The following VPS35 variants were observed in gnomAD, a reference collection of about 807,000 sequenced individuals.
The protein encoded by VPS35 is vacuolar protein sorting-associated protein 35.
In VPS35, 21 loss-of-function variants were observed where a neutral mutation model predicts 98.1. The ratio of observed to expected loss-of-function variants is 0.21; its 90% CI spans 0.15 to 0.31. The LOEUF (loss-of-function observed/expected upper bound fraction) is 0.31, where lower values mean the gene tolerates loss of function less well. VPS35 is among the 10% of genes least tolerant of loss of function. The pLI is 1.00. For missense variants in VPS35, 554 were observed against 950.8 expected (o/e 0.58, Z 5.49); for synonymous variants, 268 against 318.2 (o/e 0.84, Z 1.68).
At chr16:46,677,639 C>A in intron 6 of VPS35, 1 of 471,684 alleles carries the variant, frequency 2.1e-6, no homozygotes, top group Non-Finnish European at 3.9e-6. Context: ...AGGCTCAAGT[C>A]ATCCTCCCAC....
chr16:46,681,822 A>T (rs1966239459), intron 3 of VPS35: 1 of 544,776 alleles, frequency 1.8e-6, no homozygotes, highest in Non-Finnish European at 3.3e-6. Context: ...CAACTGTGTC[A>T]TAGCCTAAAT....
Position 46,659,879 on chromosome 16 carries a change from G to T in VPS35, c.*593C>A, listed in dbSNP as rs1157467112. The T allele has an allele frequency of 6.6e-6, 1 of 152,416 alleles. No homozygotes were observed. Among genetic ancestry groups the T allele is most frequent in the African/African-American group, 2.4e-5 (1 of 41,428 alleles). The allele number at this position is 152,416 out of a possible 1,614,324, so 9.4% of individuals were successfully genotyped here. ...TTAATGGATGGCTGAGTCCAAATAT[G>T]CAAAATATAGCTTCTGGTTTTGACC... On this transcript the variant is annotated 3_prime_UTR_variant, in exon 17 of 17. Coordinates refer to ENST00000299138, the MANE Select transcript of VPS35 (RefSeq NM_018206.6).
chr16:46,659,646 A>G lies in VPS35; in HGVS notation c.*826T>C, dbSNP rs191441368. On this transcript the variant is annotated 3_prime_UTR_variant, in exon 17 of 17. Coordinates refer to ENST00000299138, the MANE Select transcript of VPS35 (RefSeq NM_018206.6). ...TACTAGTACTTTTTATCAATTAAAGATAGTATGAAAGGGGAAAAAAAGCTC... is the reference window on the plus strand; with the variant it reads ...TACTAGTACTTTTTATCAATTAAAGGTAGTATGAAAGGGGAAAAAAAGCTC... 3.9e-5 allele frequency: 6 copies of G among 152,290 alleles called. No homozygotes were observed. Among genetic ancestry groups the G allele is most frequent in the Admixed American group, 1.3e-4 (2 of 15,302 alleles). The allele number at this position is 152,290 out of a possible 1,614,324, so 9.4% of individuals were successfully genotyped here.
At chr16:46,688,729 C>T in intron 1 of VPS35, 9 of 1,186,302 alleles carry the variant, frequency 7.6e-6, no homozygotes, top group Non-Finnish European at 9.5e-6. Context: ...TGGGCGGGTC[C>T]CGGCGCCACC....
intron 12 of VPS35, among the ~76,000 whole-genome samples, chr16:46,669,666 C>CAAAAAAA (rs949838651): frequency 1.6e-5 from 1 of 60,702 alleles, no homozygotes. Flanking sequence ...GATTCCATCT[C>CAAAAAAA]AAAAAAAAAA....
intron 1 of VPS35, among the ~76,000 whole-genome samples, chr16:46,685,582 T>C (rs1321048191): frequency 6.6e-6 from 1 of 152,154 alleles, no homozygotes; most frequent in African/African-American, 2.4e-5. Context: ...AAAGGGAACA[T>C]GAATTTAACC....
intron 1 of VPS35, chr16:46,688,412 A>G: frequency 1.0e-6 from 1 of 987,110 alleles, no homozygotes; most frequent in Non-Finnish European, 1.2e-6. Context: ...GACGGGCCCT[A>G]AGGAGAAGTA....
chr16:46,660,675 C>G, intron 16 of VPS35, 24 bp from the exon 17 acceptor site: 2 of 1,606,668 alleles, frequency 1.2e-6, no homozygotes, highest in Non-Finnish European at 1.7e-6. Flanking sequence ...TGTACAAATT[C>G]ATGATCAAGC....
At chr16:46,676,405 T>C (rs1343571496) in intron 8 of VPS35, 178 bp downstream of exon 8, 2 of 592,786 alleles carry the variant, frequency 3.4e-6, no homozygotes, top group Non-Finnish European at 6.0e-6. Context: ...GCCTCTTTCA[T>C]GTCTAACCTA....
At chr16:46,674,723 G>C in intron 8 of VPS35, 63 bp from the exon 9 acceptor site, 1 of 1,310,840 alleles carries the variant, frequency 7.6e-7, no homozygotes, top group Non-Finnish European at 1.1e-6. Context: ...TGAGATCATG[G>C]ATGACATCTT....
intron 10 of VPS35, 147 bp from the exon 11 acceptor site, chr16:46,672,619 A>C: frequency 3.0e-6 from 2 of 672,270 alleles, no homozygotes; most frequent in Non-Finnish European, 5.2e-6. Context: ...AGACTATAAC[A>C]ACCTCCTTTC....
intron 7 of VPS35, 38 bp downstream of exon 7, chr16:46,677,277 A>T (rs779525707): frequency 6.4e-7 from 1 of 1,558,062 alleles, no homozygotes; most frequent in East Asian, 2.2e-5. Context: ...GAAAGATAAA[A>T]TAGGTCGTTT....
At chr16:46,686,397 G>A (rs1431079844) in intron 1 of VPS35, among the ~76,000 whole-genome samples, 1 of 152,112 alleles carries the variant, frequency 6.6e-6, no homozygotes, top group African/African-American at 2.4e-5. Context: ...AAAAACATTT[G>A]TATAGAATGA....
chr16:46,660,656 A>C lies in VPS35; in HGVS notation c.2212-5T>G. ...GTTTAAAACCTGAATTGTTACCTAC[A>C]AAAGAATATGTACAAATTCATGATC... On this transcript the variant is annotated splice_region_variant and splice_polypyrimidine_tract_variant and intron_variant, in intron 16 of 16. Transcript: ENST00000299138. 6.2e-7 allele frequency: 1 copy of C among 1,613,050 alleles called. No individual in the cohort carries two copies. The highest frequency in any genetic ancestry group is 8.5e-7 in the Non-Finnish European group (1 of 1,179,682).
At chr16:46,681,568 G>C in intron 3 of VPS35, 68 bp from the exon 4 acceptor site, 2 of 1,562,796 alleles carry the variant, frequency 1.3e-6, no homozygotes, top group Non-Finnish European at 1.8e-6. Context: ...AAACTTGTTG[G>C]AGTCATTACT....
Position 46,660,263 on chromosome 16 carries a change from T to C in VPS35, c.*209A>G. On this transcript the variant is annotated 3_prime_UTR_variant, in exon 17 of 17. Coordinates refer to ENST00000299138, the MANE Select transcript of VPS35 (RefSeq NM_018206.6). ...AGATCAGTCATGCTACTTGGGGTGA[T>C]CAGAAAGACTTGAACACTTACCAAG... 2.4e-6 allele frequency: 1 copy of C among 412,538 alleles called. No individual in the cohort carries two copies. The highest frequency in any genetic ancestry group is 4.4e-6 in the Non-Finnish European group (1 of 226,376). The allele number at this position is 412,538 out of a possible 1,614,324, so 25.6% of individuals were successfully genotyped here. A position where few individuals can be genotyped will look rare whatever the true frequency, so the allele number is the denominator to read the frequency against.
chr16:46,676,969 C>T (rs1251581421), intron 7 of VPS35, among the ~76,000 whole-genome samples: 1 of 151,824 alleles, frequency 6.6e-6, no homozygotes, highest in Non-Finnish European at 1.5e-5. Context: ...GATACAAAGA[C>T]CAAGGTATAA....
chr16:46,666,756 T>C (rs1177565016), intron 13 of VPS35, among the ~76,000 whole-genome samples: 1 of 152,270 alleles, frequency 6.6e-6, no homozygotes, highest in East Asian at 1.9e-4. Context: ...TCTTCATTTC[T>C]ATAGCTGAGT....
At chr16:46,662,949 C>G (rs749034028) in intron 14 of VPS35, 34 bp downstream of exon 14, 2 of 1,613,598 alleles carry the variant, frequency 1.2e-6, no homozygotes, top group Admixed American at 1.7e-5. Flanking sequence ...CCCAGCAGAG[C>G]TGACATGACA....
Sources: allele counts gnomAD v4.1 joint callset (sites outside exome capture counted in the v4.1 genomes callset), GRCh38; gene constraint gnomAD v4.1.1; transcripts MANE v1.5; gene names NCBI Gene and HGNC (gene_info 2026-07-23, HGNC 2026-07-21).